Variants in FMN1 observed in about 807,000 individuals in gnomAD.
The protein encoded by FMN1 is formin-1.
A neutral mutation model predicts 132.4 loss-of-function variants in FMN1; 110 were observed. The ratio of observed to expected loss-of-function variants is 0.83; its 90% confidence interval spans 0.71 to 0.97. FMN1 has a LOEUF of 0.97. FMN1 is among the 50% of genes least tolerant of loss of function. The pLI, the probability that FMN1 is intolerant of heterozygous loss-of-function variation, is 0.00. For synonymous variants in FMN1, 722 were observed against 651.7 expected (o/e 1.11, Z -1.64); for missense variants, 1,792 against 1,705.3 (o/e 1.05, Z -0.90).
At chr15:32,867,194 T>C (rs1313356133) in intron 16 of FMN1, among the ~76,000 whole-genome samples, 1 of 152,192 alleles carries the variant, frequency 6.6e-6, no homozygotes. Context: ...TCTCCATACC[T>C]GAGTCAAAGT....
At chr15:33,067,802 G>A (rs774709495) in intron 5 of FMN1, 34 of 1,613,812 alleles carry the variant, frequency 2.1e-5, no homozygotes, top group African/African-American at 4.0e-5. Flanking sequence ...ACTCAGGATC[G>A]ACTGAGCCAC....
chr15:32,926,105 A>C (rs1466054104), intron 10 of FMN1, 69 bp downstream of exon 10: 1 of 841,020 alleles, frequency 1.2e-6, no homozygotes, highest in Non-Finnish European at 1.9e-6. Flanking sequence ...TATGTGTTTG[A>C]CATTCTTCAG....
rs147864551 is a variant in FMN1, at chr15:32,925,431, G to A, written c.3226+743C>T. On this transcript the variant is annotated intron_variant, in intron 10 of 20. Coordinates refer to ENST00000616417, the MANE Select transcript of FMN1 (RefSeq NM_001277313.2). ...CAGTTTATAGAAAACAGGGGACAGG[G>A]GAACATGATAAATAAAAACATAGCA... Among the ~76,000 whole-genome samples the A allele has an allele frequency of 9.3e-3, 1,410 of 152,222 alleles. 13 individuals are homozygous for A. The highest frequency in any genetic ancestry group is 0.024 in the Middle Eastern group (7 of 294).
chr15:32,816,789 G>C (rs11858757), intron 17 of FMN1, among the ~76,000 whole-genome samples: 86 of 152,242 alleles, frequency 5.6e-4, no homozygotes, highest in African/African-American at 2.0e-3. Flanking sequence ...AATTTCATTG[G>C]GCAGTCACCC....
chr15:32,982,841 C>A (rs1267069203), intron 7 of FMN1, among the ~76,000 whole-genome samples: 1 of 152,128 alleles, frequency 6.6e-6, no homozygotes, highest in Non-Finnish European at 1.5e-5. Context: ...CCCAGCCCTC[C>A]TGAATCTCAG....
intron 4 of FMN1, among the ~76,000 whole-genome samples, chr15:33,095,332 A>C (rs184924970): frequency 6.6e-6 from 1 of 152,178 alleles, no homozygotes; most frequent in Non-Finnish European, 1.5e-5. Flanking sequence ...TGGGCAACAG[A>C]GTAAGACTGT....
intron 16 of FMN1, among the ~76,000 whole-genome samples, chr15:32,886,615 G>A (rs1402232521): frequency 1.3e-5 from 2 of 152,154 alleles, no homozygotes; most frequent in Non-Finnish European, 2.9e-5. Context: ...GGAAGGAGAA[G>A]GGAAAAGATC....
At chr15:32,822,731 CTT>C (rs1218768204) in intron 17 of FMN1, among the ~76,000 whole-genome samples, 2 of 152,124 alleles carry the variant, frequency 1.3e-5, no homozygotes, top group South Asian at 2.1e-4. Flanking sequence ...TTCTTACTCT[CTT>C]TTAAAAATAT....
chr15:32,898,936 G>T, intron 14 of FMN1, 43 bp from the exon 15 acceptor site: 1 of 1,313,776 alleles, frequency 7.6e-7, no homozygotes, highest in Non-Finnish European at 1.1e-6. Context: ...ATTCCCATGA[G>T]ACTGTCATGT....
chr15:32,983,981 A>G (rs527841176), intron 7 of FMN1, among the ~76,000 whole-genome samples: 1 of 152,186 alleles, frequency 6.6e-6, no homozygotes. Flanking sequence ...TTAAAAGCTC[A>G]AAGTGTTAGG....
chr15:33,098,124 A>C (rs1345186003), intron 4 of FMN1, among the ~76,000 whole-genome samples: 2 of 152,228 alleles, frequency 1.3e-5, no homozygotes, highest in Admixed American at 6.5e-5. Context: ...AAAACTTGGA[A>C]ATGAGACCAT....
chr15:33,098,404 C>G (rs1050564910), intron 4 of FMN1, among the ~76,000 whole-genome samples: 2 of 152,194 alleles, frequency 1.3e-5, no homozygotes, highest in Non-Finnish European at 2.9e-5. Context: ...CCACCTCCCC[C>G]TCTCTAGGCT....
At chr15:32,950,054 C>CACAT (rs1251606636) in intron 9 of FMN1, among the ~76,000 whole-genome samples, 70 of 4,914 alleles carry the variant, frequency 0.014, 15 homozygotes, top group Admixed American at 0.044. Context: ...TATATATACA[C>CACAT]ATATATATAT....
intron 7 of FMN1, among the ~76,000 whole-genome samples, chr15:32,977,119 A>G (rs2061881): frequency 0.51 from 77,204 of 152,052 alleles, 21,372 homozygotes; most frequent in East Asian, 0.78. Flanking sequence ...TAGTAAAACT[A>G]CATTCCACCT....
chr15:33,019,131 A>T (rs1011099837), intron 6 of FMN1, among the ~76,000 whole-genome samples: 7 of 151,914 alleles, frequency 4.6e-5, no homozygotes, highest in African/African-American at 1.7e-4. Flanking sequence ...TTTTACAGAG[A>T]GCTGATTGGT....
intron 6 of FMN1, among the ~76,000 whole-genome samples, chr15:33,053,331 C>T (rs943439513): frequency 6.6e-6 from 1 of 152,230 alleles, no homozygotes; most frequent in African/African-American, 2.4e-5. Flanking sequence ...CCACATTCCC[C>T]TTGAGGTAAC....
In FMN1 at chr15:32,969,423, C is replaced by T; in HGVS notation, c.2278G>A (p.Ala760Thr). Residue 760 changes from alanine (A) to threonine (T), a missense_variant, in exon 8 of 21, where the codon GCG becomes ACG. By Grantham distance (58) the Ala-to-Thr change is moderately conservative (BLOSUM62 0). Around this residue, in one of 3 missense-constraint regions of FMN1, gnomAD observed 1,150 missense variants for 1,043.1 expected, o/e 1.10. Transcript: ENST00000616417. Reference sequence around the variant, plus strand: ...TTTTCAATGGTTTCTTCTAGTCTCGCTGTTATCATTGCATGCTCGCCCCGG... The same window carrying T: ...TTTTCAATGGTTTCTTCTAGTCTCGTTGTTATCATTGCATGCTCGCCCCGG... Reference protein sequence around the residue: ...HIRGEHAMITARLEETIENLK... With the variant: ...HIRGEHAMITTRLEETIENLK... 6.2e-7 allele frequency: 1 copy of T among 1,613,986 alleles called. No homozygotes were observed. The highest frequency in any genetic ancestry group is 8.5e-7 in the Non-Finnish European group (1 of 1,179,886).
At chr15:33,027,300 T>TA (rs2035723559) in intron 6 of FMN1, among the ~76,000 whole-genome samples, 2 of 151,792 alleles carry the variant, frequency 1.3e-5, no homozygotes, top group South Asian at 4.1e-4. Context: ...GGTGCTCAGT[T>TA]AAATGTAAAC....
Position 33,118,122 on chromosome 15 carries a change from TCTATGGAA to T in FMN1, c.1868-29156_1868-29149del, listed in dbSNP as rs2039998231. ...AAATGTAAATACATGTGCATGTATC[TCTATGGAA>T]TGCCAATACACCACAAAATGTAGTT... is the stretch of plus-strand genomic sequence containing the variant. On this transcript the variant is annotated intron_variant, in intron 4 of 20. Coordinates refer to ENST00000616417, the MANE Select transcript of FMN1 (RefSeq NM_001277313.2). 2.0e-5 allele frequency among the ~76,000 whole-genome samples: 3 copies of T among 152,216 alleles called. No homozygotes were observed. The South Asian group carries it at 6.2e-4, about 31-fold the overall frequency.
Sources: gnomAD v4.1 joint callset for allele counts (sites outside exome capture counted in the v4.1 genomes callset) on GRCh38, gnomAD v4.1.1 for gene constraint, gnomAD v4.1.1 regional missense constraint, MANE v1.5 for transcripts, NCBI Gene and HGNC (gene_info 2026-07-23, HGNC 2026-07-21) for gene names.